VPS45: variants seen among roughly 807,000 people sequenced by gnomAD.
VPS45 encodes vacuolar protein sorting 45 homolog.
Under a neutral mutation model 75.9 loss-of-function variants are expected in VPS45, and 35 were observed. The observed-to-expected ratio is 0.46, with a 90% CI of 0.35 to 0.61. VPS45 has a LOEUF of 0.61. Among genes scored for constraint, VPS45 ranks in the 20% least tolerant of loss-of-function variants. The pLI, the probability that VPS45 is intolerant of heterozygous loss-of-function variation, is 0.00. For missense variants in VPS45, 559 were observed against 685.9 expected (o/e 0.81, Z 2.07); for synonymous variants, 220 against 238.2 (o/e 0.92, Z 0.70).
rs1659090836 is a variant in VPS45 at position 150,136,259 on chromosome 1, A to AAAG, written c.1626-8448_1626-8447insGAA. Among the ~76,000 whole-genome samples, 621 of 133,394 alleles carry AAAG rather than the reference A, an allele frequency of 4.7e-3. 12 individuals are homozygous for AAAG. The highest frequency in any genetic ancestry group is 7.3e-3 in the Admixed American group (98 of 13,420). The allele number at this position is 133,394 out of a possible 152,430, so 87.5% of individuals were successfully genotyped here. A position where few individuals can be genotyped will look rare whatever the true frequency, so the allele number is the denominator to read the frequency against. On this transcript the variant is annotated intron_variant, in intron 14 of 14. Transcript: ENST00000644510. ...GTGAGACTCTGTCTACAAAAAAAAA[A>AAAG]AAAAAAATTTGAGGCCGGGTGCGGT...
chr1:150,068,054 T>G, intron 1 of VPS45, 104 bp downstream of exon 1: 1 of 1,218,284 alleles, frequency 8.2e-7, no homozygotes, highest in Non-Finnish European at 1.2e-6. Flanking sequence ...CATACGAAAA[T>G]GAGGGTCGGT....
At chr1:150,142,374 T>C (rs1441816122) in intron 14 of VPS45, among the ~76,000 whole-genome samples, 1 of 152,250 alleles carries the variant, frequency 6.6e-6, no homozygotes, top group Non-Finnish European at 1.5e-5. Context: ...ACACTTGTTT[T>C]CTGACCTCCA....
At chr1:150,104,043 A>G (rs1011277261) in intron 13 of VPS45, among the ~76,000 whole-genome samples, 1 of 151,898 alleles carries the variant, frequency 6.6e-6, no homozygotes, top group Non-Finnish European at 1.5e-5. Context: ...TACATTTTTC[A>G]TGTTTTTTGG....
At chr1:150,105,348 T>C (rs1657263287) in intron 13 of VPS45, among the ~76,000 whole-genome samples, 1 of 152,216 alleles carries the variant, frequency 6.6e-6, no homozygotes, top group South Asian at 2.1e-4. Context: ...TCGCATTCAA[T>C]AGGATTATAT....
chr1:150,083,691 T>C (rs1440991765), intron 10 of VPS45, among the ~76,000 whole-genome samples: 3 of 148,428 alleles, frequency 2.0e-5, no homozygotes, highest in African/African-American at 7.3e-5. Flanking sequence ...ATATAAAATA[T>C]TTATATTTGA....
intron 14 of VPS45, among the ~76,000 whole-genome samples, chr1:150,119,029 AATAG>A (rs782757804): frequency 1.4e-4 from 22 of 152,342 alleles, no homozygotes; most frequent in Non-Finnish European, 2.4e-4. Context: ...TACTTTTGTA[AATAG>A]ATAGCCCTAG....
chr1:150,091,908 G>A (rs2101565356), intron 10 of VPS45, 29 bp from the exon 11 acceptor site: 1 of 1,603,840 alleles, frequency 6.2e-7, no homozygotes. Flanking sequence ...AGTGAAAGGG[G>A]GATAAATATA....
intron 13 of VPS45, 51 bp downstream of exon 13, chr1:150,093,699 G>A (rs587695677): frequency 1.3e-6 from 2 of 1,579,024 alleles, no homozygotes; most frequent in East Asian, 4.5e-5. Context: ...TGAACAAACA[G>A]AAAATTTAGA....
At chr1:150,112,371 C>T (rs74127447) in intron 14 of VPS45, among the ~76,000 whole-genome samples, 3,281 of 152,206 alleles carry the variant, frequency 0.022, 98 homozygotes, top group African/African-American at 0.074. Flanking sequence ...TTATTTCCTA[C>T]ACAAGATTAT....
intron 14 of VPS45, among the ~76,000 whole-genome samples, chr1:150,133,054 C>A (rs765401088): frequency 6.6e-6 from 1 of 152,140 alleles, no homozygotes; most frequent in Non-Finnish European, 1.5e-5. Context: ...GTCTTAAAAC[C>A]CTTTACCATA....
intron 13 of VPS45, among the ~76,000 whole-genome samples, chr1:150,103,770 A>G (rs587679494): frequency 6.6e-6 from 1 of 152,242 alleles, no homozygotes; most frequent in East Asian, 1.9e-4. Flanking sequence ...AAGCAACATC[A>G]TTTTCCATGA....
intron 14 of VPS45, among the ~76,000 whole-genome samples, chr1:150,139,820 C>A (rs1400376856): frequency 2.6e-5 from 4 of 152,182 alleles, no homozygotes; most frequent in African/African-American, 9.7e-5. Flanking sequence ...CTGTTTCGGC[C>A]TACCAGAGTT....
rs781898521 is a variant in VPS45, at chr1:150,081,485, T to C, written c.822+9T>C. ...ATGAATTCTATGCTAATGTAGGTGGTTTAAATTTTTTTAAATTGTCTTTAG... is the reference window on the plus strand; with the variant it reads ...ATGAATTCTATGCTAATGTAGGTGGCTTAAATTTTTTTAAATTGTCTTTAG... On this transcript the variant is annotated intron_variant, in intron 8 of 14. Coordinates refer to ENST00000644510, the MANE Select transcript of VPS45 (RefSeq NM_007259.5). 1 of 1,591,780 alleles carries C rather than the reference T, an allele frequency of 6.3e-7. No homozygotes were observed.
intron 2 of VPS45, among the ~76,000 whole-genome samples, chr1:150,071,554 A>G (rs1333873839): frequency 6.6e-6 from 1 of 152,188 alleles, no homozygotes; most frequent in African/African-American, 2.4e-5. Flanking sequence ...TGGGAGGCCA[A>G]GCCAGGTGGA....
chr1:150,085,536 T>C (rs1655958771), intron 10 of VPS45, among the ~76,000 whole-genome samples: 1 of 152,144 alleles, frequency 6.6e-6, no homozygotes, highest in East Asian at 1.9e-4. Flanking sequence ...TCCCCCATCA[T>C]AAACGACTTA....
chr1:150,099,344 T>C (rs1656838016), intron 13 of VPS45, among the ~76,000 whole-genome samples: 1 of 149,262 alleles, frequency 6.7e-6, no homozygotes, highest in Non-Finnish European at 1.5e-5. Context: ...AAAAAAAAAA[T>C]ACAAAAATTA....
At chr1:150,119,981 G>A (rs1391735937) in intron 14 of VPS45, among the ~76,000 whole-genome samples, 1 of 152,196 alleles carries the variant, frequency 6.6e-6, no homozygotes, top group Non-Finnish European at 1.5e-5. Flanking sequence ...GGTGGCACAT[G>A]CCTATAATCC....
chr1:150,081,362 C>A lies in VPS45; in HGVS notation c.708C>A (p.Val236=). 1 of 1,606,120 alleles carries A rather than the reference C, an allele frequency of 6.2e-7. No individual in the cohort carries two copies. The highest frequency in any genetic ancestry group is 1.1e-5 in the South Asian group (1 of 89,534). The stretch of plus-strand genomic sequence containing the variant: ...TTTAGTGGACATATCAGGCCATGGT[C>A]CACGAACTACTAGGCATAAACAACA... ...LLNQWTYQAM[V]HELLGINNNR... The change falls in exon 8 of 15, where the codon GTC becomes GTA. Residue 236 remains valine (V), a synonymous_variant. Coordinates refer to ENST00000644510, the MANE Select transcript of VPS45 (RefSeq NM_007259.5).
chr1:150,110,594 T>A lies in VPS45; in HGVS notation c.1592T>A (p.Val531Asp). 1.2e-6 allele frequency: 2 copies of A among 1,613,578 alleles called. No homozygotes were observed. Among genetic ancestry groups the A allele is most frequent in the Non-Finnish European group, 1.7e-6 (2 of 1,179,674 alleles). ...CGCACCACTCCTGGAGTGAGGATTG[T>A]CCTGGGAGGCACCACAGTGCACAAC... ...LNRTTPGVRI[V>D]LGGTTVHNTK... The change falls in exon 14 of 15, where the codon GTC (valine) becomes GAC (aspartate). Residue 531 changes from valine to aspartate, a missense_variant. Physicochemically the swap from Val to Asp is radical, Grantham distance 152. Transcript: ENST00000644510.
Sources: allele counts gnomAD v4.1 joint callset (sites outside exome capture counted in the v4.1 genomes callset), GRCh38; gene constraint gnomAD v4.1.1; transcripts MANE v1.5; gene names NCBI Gene and HGNC (gene_info 2026-07-23, HGNC 2026-07-21).